The following PCDHA9 variants were observed in gnomAD, a reference collection of about 807,000 sequenced individuals.
The protein encoded by PCDHA9 is protocadherin alpha 9.
In PCDHA9, 62 loss-of-function variants were observed where a neutral mutation model predicts 62.0. The ratio of observed to expected loss-of-function variants is 1.00; its 90% CI spans 0.81 to 1.23. PCDHA9 has a LOEUF of 1.23. PCDHA9 is among the 50% of genes most tolerant of loss of function. The pLI is 0.00. For missense variants in PCDHA9, 1,205 were observed against 1,249.8 expected (o/e 0.96, Z 0.54); for synonymous variants, 557 against 567.6 (o/e 0.98, Z 0.27).
chr5:140,999,797 T>C (rs2097876830), intron 3 of PCDHA9, among the ~76,000 whole-genome samples: 1 of 152,202 alleles, frequency 6.6e-6, no homozygotes, highest in African/African-American at 2.4e-5. Context: ...CAGAGTTATT[T>C]TGGGCACAAA....
intron 1 of PCDHA9, chr5:140,856,002 G>C: frequency 6.5e-7 from 1 of 1,534,758 alleles, no homozygotes; most frequent in South Asian, 1.2e-5. Context: ...TCGTATGTGC[G>C]TTCTAGACCG....
intron 1 of PCDHA9, among the ~76,000 whole-genome samples, chr5:140,950,272 C>G (rs928839890): frequency 2.0e-5 from 3 of 151,950 alleles, no homozygotes; most frequent in Non-Finnish European, 4.4e-5. Flanking sequence ...TCCATAATGT[C>G]TTTTTGCTTC....
chr5:141,010,949 C>T lies in PCDHA9; in HGVS notation c.*1012C>T, dbSNP rs1554263219. The T allele has an allele frequency of 6.5e-6, 1 of 153,762 alleles. No individual in the cohort carries two copies. Among genetic ancestry groups the T allele is most frequent in the African/African-American group, 2.4e-5 (1 of 41,442 alleles). 9.5% of individuals were successfully genotyped at this position (153,762 alleles called of 1,614,324 possible). On this transcript the variant is annotated 3_prime_UTR_variant, in exon 4 of 4. Transcript: ENST00000532602. ...TTCAGTCTACAGCCATTTAAATGAT[C>T]ATTGCTGCTACAGAAGTGCTTTAAG...
intron 1 of PCDHA9, chr5:140,852,044 T>C (rs1581270101): frequency 2.2e-6 from 2 of 922,218 alleles, no homozygotes; most frequent in South Asian, 5.0e-5. Context: ...GTTTTTGTTA[T>C]GTGGTTTATA....
intron 1 of PCDHA9, chr5:140,871,628 T>C: frequency 7.1e-7 from 1 of 1,401,496 alleles, no homozygotes; most frequent in South Asian, 1.5e-5. Flanking sequence ...GATAACAATG[T>C]CTGTTCATAA....
At chr5:140,870,081 T>A (rs782572380) in intron 1 of PCDHA9, 1 of 1,613,698 alleles carries the variant, frequency 6.2e-7, no homozygotes, top group East Asian at 2.2e-5. Flanking sequence ...ATAAGGGGAC[T>A]CCCCCAATGG....
rs943373745 is a variant in PCDHA9 at position 140,935,260 on chromosome 5, G to A, written c.2395-43689G>A. Among the ~76,000 whole-genome samples the A allele has an allele frequency of 3.3e-5, 5 of 152,168 alleles. No individual in the cohort carries two copies. In the South Asian group the frequency reaches 8.3e-4, roughly 25 times the overall value. On this transcript the variant is annotated intron_variant, in intron 1 of 3. Transcript: ENST00000532602. ...TTTTAAAAGATAAAATACATCACAT[G>A]TTTATACTAATCTAATAAAGTTCAG... is the stretch of plus-strand genomic sequence containing the variant.
chr5:140,849,852 C>A lies in PCDHA9; in HGVS notation c.1357C>A (p.Pro453Thr), dbSNP rs2150454047. The A allele has an allele frequency of 1.3e-6, 2 of 1,598,608 alleles. No homozygotes were observed. The highest frequency in any genetic ancestry group is 2.2e-5 in the East Asian group (1 of 44,830). Residue 453 changes from proline to threonine, a missense_variant, in exon 1 of 4, where the codon CCA (proline) becomes ACA (threonine). This residue lies in a region of PCDHA9 where 887 missense variants were observed against 809.5 expected (regional missense o/e 1.10). Coordinates refer to ENST00000532602, the MANE Select transcript of PCDHA9 (RefSeq NM_031857.2). ...GGTGGCCGACGTGAACGACAACGCA[C>A]CAGCGTTCGCGCAGTCCGAGTACAC... Reference protein sequence around the residue: ...VEVADVNDNAPAFAQSEYTVF... With the variant: ...VEVADVNDNATAFAQSEYTVF...
At chr5:140,918,848 G>T (rs2078891260) in intron 1 of PCDHA9, among the ~76,000 whole-genome samples, 1 of 152,134 alleles carries the variant, frequency 6.6e-6, no homozygotes, top group Admixed American at 6.5e-5. Flanking sequence ...TAAATCTGCT[G>T]GTGCCTGAAT....
At chr5:140,919,525 T>G (rs2079174631) in intron 1 of PCDHA9, among the ~76,000 whole-genome samples, 1 of 152,196 alleles carries the variant, frequency 6.6e-6, no homozygotes, top group Non-Finnish European at 1.5e-5. Context: ...TAATTCTCTT[T>G]TTTTCCTATA....
chr5:140,879,948 C>T (rs1025902128), intron 1 of PCDHA9, among the ~76,000 whole-genome samples: 1 of 152,168 alleles, frequency 6.6e-6, no homozygotes, highest in Non-Finnish European at 1.5e-5. Context: ...ATTTAGGGCC[C>T]ATCTGGATAA....
chr5:140,920,054 C>A (rs1332238212), intron 1 of PCDHA9, among the ~76,000 whole-genome samples: 1 of 152,150 alleles, frequency 6.6e-6, no homozygotes, highest in Non-Finnish European at 1.5e-5. Context: ...CAGCCACCAA[C>A]ACCTGGAAAA....
intron 1 of PCDHA9, among the ~76,000 whole-genome samples, chr5:140,894,679 C>A (rs1227870690): frequency 6.6e-6 from 1 of 151,682 alleles, no homozygotes; most frequent in African/African-American, 2.4e-5. Context: ...TCTTGCATAG[C>A]TTTTCATTAT....
intron 1 of PCDHA9, chr5:140,852,862 T>C (rs1477791467): frequency 2.1e-6 from 2 of 960,286 alleles, no homozygotes; most frequent in East Asian, 1.1e-4. Context: ...GCATTTACTA[T>C]GTCATCAATA....
At chr5:140,862,566 T>C (rs1440139064) in intron 1 of PCDHA9, 1 of 478,068 alleles carries the variant, frequency 2.1e-6, no homozygotes, top group Non-Finnish European at 4.3e-6. Context: ...TGAACCACAA[T>C]GCCCTGGCGT....
intron 1 of PCDHA9, chr5:140,876,731 C>T (rs782483829): frequency 1.7e-5 from 27 of 1,614,124 alleles, no homozygotes; most frequent in Non-Finnish European, 1.9e-5. Context: ...AGCGTGTCGG[C>T]CTATGAGCTG....
intron 1 of PCDHA9, chr5:140,851,388 A>G (rs2042047686): frequency 1.0e-6 from 1 of 974,904 alleles, no homozygotes; most frequent in Admixed American, 6.2e-5. Flanking sequence ...AACCTTCAGT[A>G]TCTATTATTT....
At chr5:140,927,502 A>G (rs1554204633) in intron 1 of PCDHA9, 1 of 1,614,134 alleles carries the variant, frequency 6.2e-7, no homozygotes, top group Non-Finnish European at 8.5e-7. Context: ...GCTGGTGCTT[A>G]CAGCTCGGGA....
chr5:140,918,989 GTGT>G (rs2078966617), intron 1 of PCDHA9, among the ~76,000 whole-genome samples: 1 of 152,178 alleles, frequency 6.6e-6, no homozygotes, highest in Non-Finnish European at 1.5e-5. Context: ...TTGGTTTTTA[GTGT>G]TGTTCACATC....
Sources: allele counts gnomAD v4.1 joint callset (sites outside exome capture counted in the v4.1 genomes callset), GRCh38; gene constraint gnomAD v4.1.1; regional missense constraint gnomAD v4.1.1; transcripts MANE v1.5; gene names NCBI Gene and HGNC (gene_info 2026-07-23, HGNC 2026-07-21).